ALG6: variants seen among roughly 807,000 people sequenced by gnomAD.
ALG6 encodes ALG6 alpha-1,3-glucosyltransferase, also known as dolichyl pyrophosphate Man9GlcNAc2 alpha-1,3-glucosyltransferase.
ALG6 carries 46 observed loss-of-function variants against 66.6 expected under a neutral mutation model. The ratio of observed to expected loss-of-function variants is 0.69; its 90% CI spans 0.55 to 0.88. The LOEUF (loss-of-function observed/expected upper bound fraction) is 0.88, where lower values mean the gene tolerates loss of function less well. ALG6 is among the 40% of genes least tolerant of loss of function. The pLI, the probability that ALG6 is intolerant of heterozygous loss-of-function variation, is 0.00. For synonymous variants in ALG6, 185 were observed against 203.7 expected (o/e 0.91, Z 0.78); for missense variants, 505 against 586.8 (o/e 0.86, Z 1.44).
intron 3 of ALG6, among the ~76,000 whole-genome samples, chr1:63,398,753 G>C (rs1203124141): frequency 6.6e-6 from 1 of 152,122 alleles, no homozygotes; most frequent in African/African-American, 2.4e-5. Context: ...GGGATTACAG[G>C]CTTGAGCCAC....
intron 2 of ALG6, among the ~76,000 whole-genome samples, chr1:63,389,407 A>G (rs2100397925): frequency 6.6e-6 from 1 of 152,274 alleles, no homozygotes; most frequent in Non-Finnish European, 1.5e-5. Flanking sequence ...TGAATTTTTT[A>G]GCACCAGAAT....
At chr1:63,371,839 G>A (rs1337324738) in intron 2 of ALG6, among the ~76,000 whole-genome samples, 1 of 151,910 alleles carries the variant, frequency 6.6e-6, no homozygotes, top group South Asian at 2.1e-4. Context: ...TCCTGACCTC[G>A]TGATCCACTT....
intron 2 of ALG6, among the ~76,000 whole-genome samples, chr1:63,377,010 C>T (rs1383830559): frequency 2.0e-5 from 3 of 151,926 alleles, no homozygotes; most frequent in Non-Finnish European, 4.4e-5. Flanking sequence ...CTCTGTTGCC[C>T]AGGCTGGACG....
Position 63,411,950 on chromosome 1 carries a change from T to C in ALG6, c.705T>C (p.Ala235=). The C allele has an allele frequency of 6.2e-7, 1 of 1,614,154 alleles. No homozygotes were observed. Among genetic ancestry groups the C allele is most frequent in the South Asian group, 1.1e-5 (1 of 91,088 alleles). Reference sequence around the variant, plus strand: ...GGTTTGTGTTGCTAGTTAAGCTAGCTTGTATTGTTGTGGCTTCCTTCGTTC... The same window carrying C: ...GGTTTGTGTTGCTAGTTAAGCTAGCCTGTATTGTTGTGGCTTCCTTCGTTC... ...GKGFVLLVKL[A]CIVVASFVLC... The change falls in exon 9 of 15, where the codon GCT becomes GCC. Residue 235 remains alanine (A), a synonymous_variant. Coordinates refer to ENST00000263440, the MANE Select transcript of ALG6 (RefSeq NM_013339.4).
At chr1:63,422,416 TATATATATAAATATAAATATATATATAA>T (rs1308847169) in intron 12 of ALG6, among the ~76,000 whole-genome samples, 6 of 24,944 alleles carry the variant, frequency 2.4e-4, no homozygotes, top group East Asian at 3.2e-3. Flanking sequence ...TAAATATAAA[TATATATATAAATATAAATATATATATAA>T]ATATATATAT....
At chr1:63,417,507 A>G (rs1644551338) in intron 11 of ALG6, among the ~76,000 whole-genome samples, 1 of 152,132 alleles carries the variant, frequency 6.6e-6, no homozygotes, top group Non-Finnish European at 1.5e-5. Flanking sequence ...TACTTCTGAG[A>G]GTTTTAAGAA....
At chr1:63,422,552 G>C (rs1413444360) in intron 12 of ALG6, among the ~76,000 whole-genome samples, 1 of 148,948 alleles carries the variant, frequency 6.7e-6, no homozygotes, top group East Asian at 1.9e-4. Flanking sequence ...GGTCAAATAA[G>C]ATGAGGGCTG....
At chr1:63,435,321 A>G (rs1644672357) in intron 14 of ALG6, among the ~76,000 whole-genome samples, 1 of 152,170 alleles carries the variant, frequency 6.6e-6, no homozygotes, top group Non-Finnish European at 1.5e-5. Flanking sequence ...CTTTTATTTT[A>G]AAGATTTCAT....
intron 9 of ALG6, among the ~76,000 whole-genome samples, chr1:63,413,277 C>T (rs1644525448): frequency 6.6e-6 from 1 of 152,170 alleles, no homozygotes; most frequent in African/African-American, 2.4e-5. Flanking sequence ...AAGTTTAACT[C>T]TCTATGTAAG....
intron 7 of ALG6, among the ~76,000 whole-genome samples, chr1:63,408,882 C>T (rs1211895503): frequency 2.6e-5 from 4 of 152,154 alleles, no homozygotes; most frequent in Admixed American, 6.5e-5. Context: ...TGGGTTCAAA[C>T]GATACTCCTG....
chr1:63,382,665 G>GTTTTTTTTTTT (rs59236936), intron 2 of ALG6, among the ~76,000 whole-genome samples: 3 of 93,588 alleles, frequency 3.2e-5, no homozygotes, highest in Non-Finnish European at 6.3e-5. Context: ...GTTTTTTTTT[G>GTTTTTTTTTTT]TTTTTTTTTT....
chr1:63,429,386 A>T (rs1001676630), intron 14 of ALG6: 1 of 363,126 alleles, frequency 2.8e-6, no homozygotes, highest in Non-Finnish European at 5.0e-6. Context: ...TCTCACTCCT[A>T]ACTCCCTTCC....
At chr1:63,374,599 C>G (rs1361939581) in intron 2 of ALG6, among the ~76,000 whole-genome samples, 1 of 148,898 alleles carries the variant, frequency 6.7e-6, no homozygotes, top group Non-Finnish European at 1.5e-5. Context: ...CTGCACCCCA[C>G]CCTGGGTGAC....
rs1431335775 is a variant in ALG6 at position 63,400,232 on chromosome 1, T to C, written c.168-2022T>C. 5.8e-3 allele frequency among the ~76,000 whole-genome samples: 131 copies of C among 22,442 alleles called. 39 individuals are homozygous for C. Among genetic ancestry groups the C allele is most frequent in the African/African-American group, 0.046 (123 of 2,662 alleles). The allele number at this position is 22,442 out of a possible 152,430, so 14.7% of individuals were successfully genotyped here. ...ATATATATATATATACGTATATATA[T>C]ATATATATATACGTATATATATGTA... On this transcript the variant is annotated intron_variant, in intron 3 of 14. Coordinates refer to ENST00000263440, the MANE Select transcript of ALG6 (RefSeq NM_013339.4).
intron 11 of ALG6, 62 bp downstream of exon 11, chr1:63,416,019 T>C (rs187132781): frequency 5.0e-6 from 6 of 1,204,842 alleles, no homozygotes; most frequent in African/African-American, 1.5e-5. Context: ...AAAAATTATT[T>C]TCATGGTCTG....
intron 3 of ALG6, among the ~76,000 whole-genome samples, chr1:63,399,944 C>T (rs1035605986): frequency 6.6e-6 from 1 of 151,328 alleles, no homozygotes; most frequent in Non-Finnish European, 1.5e-5. Context: ...CGCCTGTAAT[C>T]CCAGCACTTT....
At chr1:63,394,658 A>C (rs1181010067) in intron 2 of ALG6, among the ~76,000 whole-genome samples, 1 of 151,588 alleles carries the variant, frequency 6.6e-6, no homozygotes, top group East Asian at 2.0e-4. Context: ...GTGAGCCACC[A>C]CGCCCGGCCA....
chr1:63,413,782 G>C (rs866132755), intron 9 of ALG6: 4 of 286,160 alleles, frequency 1.4e-5, no homozygotes, highest in Non-Finnish European at 2.7e-5. Flanking sequence ...TTAGTATTCA[G>C]GGATAGTGCA....
chr1:63,391,960 C>T (rs1257228989), intron 2 of ALG6, among the ~76,000 whole-genome samples: 1 of 152,076 alleles, frequency 6.6e-6, no homozygotes, highest in Non-Finnish European at 1.5e-5. Context: ...AAAGTGTTAC[C>T]AGTGTCTTTA....
Sources: allele counts gnomAD v4.1 joint callset (sites outside exome capture counted in the v4.1 genomes callset), GRCh38; gene constraint gnomAD v4.1.1; transcripts MANE v1.5; gene names NCBI Gene and HGNC (gene_info 2026-07-23, HGNC 2026-07-21).